Variants in CWC27 observed in about 807,000 individuals in gnomAD.
CWC27 encodes the protein spliceosome-associated protein CWC27 homolog.
Under a neutral mutation model 63.6 loss-of-function variants are expected in CWC27, and 47 were observed. That is an observed-to-expected ratio of 0.74 (90% CI 0.58 to 0.94). The LOEUF is 0.94. Ranked by LOEUF, CWC27 falls within the 40% of genes least tolerant of loss-of-function variation. CWC27 has a pLI of 0.00. For missense variants in CWC27, 495 were observed against 554.3 expected, an observed-to-expected ratio of 0.89 and a Z score of 1.07; for synonymous variants, 175 against 179.8, an observed-to-expected ratio of 0.97 and a Z score of 0.22.
At chr5:64,861,009 G>A (rs1304333151) in intron 10 of CWC27, among the ~76,000 whole-genome samples, 2 of 152,064 alleles carry the variant, frequency 1.3e-5, no homozygotes, top group African/African-American at 2.4e-5. Context: ...GCAATATCTG[G>A]GACCTTAGTT....
intron 7 of CWC27, among the ~76,000 whole-genome samples, chr5:64,797,166 C>T (rs994585889): frequency 6.6e-6 from 1 of 152,008 alleles, no homozygotes; most frequent in Non-Finnish European, 1.5e-5. Context: ...GTATTTCATT[C>T]ATCAGCTAAA....
rs1386662827 is a variant in CWC27 at position 64,840,361 on chromosome 5, TTAAAAAAAAAAAAAAAAA to T, written c.938+35976_938+35993del. Among the ~76,000 whole-genome samples, 6 of 35,858 alleles carry T rather than the reference TTAAAAAAAAAAAAAAAAA, an allele frequency of 1.7e-4. No homozygotes were observed. The East Asian group carries it at 6.9e-3, about 41-fold the overall frequency. The allele number at this position is 35,858 out of a possible 152,430, so 23.5% of individuals were successfully genotyped here. A position where few individuals can be genotyped will look rare whatever the true frequency, so the allele number is the denominator to read the frequency against. On this transcript the variant is annotated intron_variant, in intron 10 of 13. Coordinates refer to ENST00000381070, the MANE Select transcript of CWC27 (RefSeq NM_005869.4). ...CTTTGTGTGTTTTTATCCTTTTTCA[TTAAAAAAAAAAAAAAAAA>T]AAAAAAAAAAAAAAAATATATATAT... is the stretch of plus-strand genomic sequence containing the variant.
chr5:64,892,432 T>C (rs1340397433), intron 11 of CWC27, among the ~76,000 whole-genome samples: 1 of 152,152 alleles, frequency 6.6e-6, no homozygotes, highest in Admixed American at 6.5e-5. Context: ...ATCAGAAATG[T>C]AGAAAGGCAT....
chr5:64,848,209 A>G (rs1746039480), intron 10 of CWC27, among the ~76,000 whole-genome samples: 1 of 152,160 alleles, frequency 6.6e-6, no homozygotes, highest in South Asian at 2.1e-4. Context: ...AATACCAAAG[A>G]TCATAAGAGA....
intron 11 of CWC27, among the ~76,000 whole-genome samples, chr5:64,890,573 A>G (rs532025003): frequency 6.1e-4 from 93 of 152,194 alleles, no homozygotes; most frequent in African/African-American, 2.2e-3. Flanking sequence ...GGAACCCAGA[A>G]GTATCAGACC....
chr5:64,899,305 G>A (rs1747449892), intron 11 of CWC27, among the ~76,000 whole-genome samples: 1 of 152,148 alleles, frequency 6.6e-6, no homozygotes, highest in African/African-American at 2.4e-5. Context: ...AACAGTAGTT[G>A]GAAAGGTGCC....
chr5:64,821,576 T>A (rs1239270106), intron 10 of CWC27, among the ~76,000 whole-genome samples: 1 of 152,226 alleles, frequency 6.6e-6, no homozygotes, highest in African/African-American at 2.4e-5. Context: ...TGTTTTAATC[T>A]TCTACTGCAG....
intron 13 of CWC27, among the ~76,000 whole-genome samples, chr5:65,001,887 CA>C (rs35436488): frequency 0.75 from 110,924 of 148,558 alleles, 41,566 homozygotes; most frequent in African/African-American, 0.88. Context: ...AATAGCTTGA[CA>C]AAAAAAAAAA....
chr5:64,981,593 G>A (rs1440679504), intron 13 of CWC27, among the ~76,000 whole-genome samples: 1 of 152,094 alleles, frequency 6.6e-6, no homozygotes, highest in Non-Finnish European at 1.5e-5. Flanking sequence ...TACACATGTT[G>A]ACTTCTGCTA....
intron 11 of CWC27, among the ~76,000 whole-genome samples, chr5:64,920,473 G>T (rs1391896173): frequency 6.6e-6 from 1 of 152,162 alleles, no homozygotes; most frequent in East Asian, 1.9e-4. Context: ...GTATCCGAAT[G>T]ATGCTGGCTT....
intron 10 of CWC27, among the ~76,000 whole-genome samples, chr5:64,838,505 A>G (rs1348242622): frequency 1.3e-5 from 2 of 152,128 alleles, no homozygotes; most frequent in East Asian, 1.9e-4. Context: ...GGGCTATTGC[A>G]TTTTCATCAC....
rs188209625 is a variant in CWC27, at chr5:65,005,640, T to C, written c.1257-12519T>C. 8.5e-5 allele frequency among the ~76,000 whole-genome samples: 13 copies of C among 152,296 alleles called. No individual in the cohort carries two copies. The East Asian group carries it at 2.5e-3, about 29-fold the overall frequency. ...CAGTAGATGAGGCAGTCTGATCCCC[T>C]CTTCCCTGGACAACACACACTAGCA... On this transcript the variant is annotated intron_variant, in intron 13 of 13. Transcript: ENST00000381070.
intron 10 of CWC27, among the ~76,000 whole-genome samples, chr5:64,877,676 A>G (rs571482903): frequency 1.0e-3 from 154 of 152,164 alleles, no homozygotes; most frequent in African/African-American, 3.5e-3. Context: ...GCCCATAAAA[A>G]TGTACACATA....
At chr5:64,951,590 A>T (rs1748710005) in intron 11 of CWC27, among the ~76,000 whole-genome samples, 1 of 151,940 alleles carries the variant, frequency 6.6e-6, no homozygotes, top group Non-Finnish European at 1.5e-5. Context: ...TTATTGGAGA[A>T]CATTTTCATG....
chr5:64,929,438 C>G (rs115078379), intron 11 of CWC27, among the ~76,000 whole-genome samples: 2,110 of 152,274 alleles, frequency 0.014, 27 homozygotes, highest in African/African-American at 0.038. Flanking sequence ...TAGAAGCCAT[C>G]TTGAAAGGGC....
At chr5:64,944,835 C>G (rs1748556575) in intron 11 of CWC27, among the ~76,000 whole-genome samples, 1 of 152,008 alleles carries the variant, frequency 6.6e-6, no homozygotes, top group Non-Finnish European at 1.5e-5. Flanking sequence ...CCAGGATGGT[C>G]CCTTAAAAAT....
At chr5:65,009,947 C>T (rs1288890113) in intron 13 of CWC27, among the ~76,000 whole-genome samples, 1 of 152,174 alleles carries the variant, frequency 6.6e-6, no homozygotes, top group Non-Finnish European at 1.5e-5. Context: ...ATGTTTGATC[C>T]TCAGGCCACG....
chr5:64,852,995 G>A (rs1746172223), intron 10 of CWC27, among the ~76,000 whole-genome samples: 1 of 152,116 alleles, frequency 6.6e-6, no homozygotes, highest in Non-Finnish European at 1.5e-5. Flanking sequence ...AGAAACTACA[G>A]ACTATGGTAT....
intron 11 of CWC27, among the ~76,000 whole-genome samples, chr5:64,893,748 G>A (rs998306356): frequency 4.6e-5 from 7 of 152,112 alleles, no homozygotes; most frequent in Admixed American, 6.6e-5. Context: ...GAAGACTATG[G>A]CCACGCCAGA....
Sources: allele counts gnomAD v4.1 joint callset (sites outside exome capture counted in the v4.1 genomes callset), GRCh38; gene constraint gnomAD v4.1.1; transcripts MANE v1.5; gene names NCBI Gene and HGNC (gene_info 2026-07-23, HGNC 2026-07-21).